The following ABR variants were observed in gnomAD, a reference collection of about 807,000 sequenced individuals.
ABR encodes the protein active breakpoint cluster region-related protein.
Under a neutral mutation model 107.2 loss-of-function variants are expected in ABR, and 35 were observed. That is an observed-to-expected ratio of 0.33 (90% CI 0.25 to 0.43). The LOEUF is 0.43. Among genes scored for constraint, ABR ranks in the 20% least tolerant of loss-of-function variants. The pLI is 1.00. For missense variants in ABR, 815 were observed against 1,115.2 expected, an observed-to-expected ratio of 0.73 and a Z score of 3.83; for synonymous variants, 498 against 462.0, an observed-to-expected ratio of 1.08 and a Z score of -1.00.
chr17:1,102,033 G>T (rs944364030), intron 2 of ABR, among the ~76,000 whole-genome samples: 1 of 151,982 alleles, frequency 6.6e-6, no homozygotes. Flanking sequence ...GCACCCTGCC[G>T]GAAAGACATT....
At chr17:1,018,635 G>A (rs2071390559) in intron 16 of ABR, among the ~76,000 whole-genome samples, 1 of 152,154 alleles carries the variant, frequency 6.6e-6, no homozygotes, top group African/African-American at 2.4e-5. Flanking sequence ...TTGGAGGCAG[G>A]CTGATCTGAG....
chr17:1,031,392 C>G (rs1402606142), intron 16 of ABR, among the ~76,000 whole-genome samples: 1 of 152,176 alleles, frequency 6.6e-6, no homozygotes, highest in African/African-American at 2.4e-5. Flanking sequence ...GATGCCCGAG[C>G]GCCAGGGTCC....
At chr17:1,203,367 C>A (rs1013713545) in intron 1 of ABR, among the ~76,000 whole-genome samples, 1 of 102,160 alleles carries the variant, frequency 9.8e-6, no homozygotes, top group African/African-American at 3.3e-5. Context: ...GGCGGTCCCC[C>A]GTGGGGGCGG....
chr17:1,169,225 G>A (rs148453103), intron 1 of ABR, among the ~76,000 whole-genome samples: 3 of 152,340 alleles, frequency 2.0e-5, no homozygotes, highest in South Asian at 2.1e-4. Context: ...AAGACCTGGT[G>A]CGTCCCCCTC....
At chr17:1,208,607 G>A (rs551093359) in intron 1 of ABR, among the ~76,000 whole-genome samples, 7 of 152,308 alleles carry the variant, frequency 4.6e-5, no homozygotes, top group African/African-American at 1.4e-4. Flanking sequence ...GGGAGCTGCC[G>A]GCCGGGCACA....
At chr17:1,170,637 T>C (rs1267814449) in intron 1 of ABR, among the ~76,000 whole-genome samples, 3 of 152,106 alleles carry the variant, frequency 2.0e-5, no homozygotes, top group Non-Finnish European at 4.4e-5. Context: ...GGTTTCATCA[T>C]GTTGGTCAGG....
intron 2 of ABR, among the ~76,000 whole-genome samples, chr17:1,122,457 T>C (rs2264057): frequency 0.98 from 148,717 of 152,336 alleles, 72,703 homozygotes; most frequent in Middle Eastern, 1. Flanking sequence ...ACACCTGAAT[T>C]AACAAAAAGG....
chr17:1,168,771 A>G (rs147236854), intron 1 of ABR, among the ~76,000 whole-genome samples: 6 of 152,338 alleles, frequency 3.9e-5, no homozygotes, highest in African/African-American at 1.2e-4. Context: ...TCCTCCGGCT[A>G]GAAGCAGCAG....
chr17:1,080,944 C>A (rs896598275), intron 5 of ABR, among the ~76,000 whole-genome samples: 4 of 152,128 alleles, frequency 2.6e-5, no homozygotes, highest in African/African-American at 7.2e-5. Context: ...GAAGCAAGCA[C>A]GTCATCGAGT....
intron 18 of ABR, chr17:1,012,197 CAGG>C (rs773822484): frequency 4.5e-5 from 34 of 758,232 alleles, no homozygotes; most frequent in South Asian, 2.2e-4. Context: ...CGGACGTGGG[CAGG>C]AGAAGCCTTG....
At chr17:1,074,713 G>A (rs765581603) in intron 6 of ABR, among the ~76,000 whole-genome samples, 8 of 152,250 alleles carry the variant, frequency 5.3e-5, no homozygotes, top group Non-Finnish European at 1.0e-4. Flanking sequence ...CCAGGAGGCT[G>A]GCCTGATCTC....
chr17:1,093,894 C>A (rs1010911995), intron 3 of ABR, among the ~76,000 whole-genome samples: 1 of 152,222 alleles, frequency 6.6e-6, no homozygotes, highest in Admixed American at 6.5e-5. Context: ...CCTTCATCCT[C>A]CGAGCTCTAA....
At chr17:1,069,430 G>A (rs145172123) in intron 9 of ABR, among the ~76,000 whole-genome samples, 1,665 of 152,238 alleles carry the variant, frequency 0.011, 34 homozygotes, top group African/African-American at 0.038. Flanking sequence ...TTGGGAGGCC[G>A]AGGCGGGCAG....
intron 6 of ABR, among the ~76,000 whole-genome samples, chr17:1,077,824 G>A (rs1478808018): frequency 2.6e-5 from 4 of 152,224 alleles, no homozygotes; most frequent in South Asian, 2.1e-4. Flanking sequence ...AAAACCAGCC[G>A]CCTGCTGCTC....
At chr17:1,166,264 G>T (rs925781015) in intron 1 of ABR, among the ~76,000 whole-genome samples, 1 of 152,100 alleles carries the variant, frequency 6.6e-6, no homozygotes, top group Non-Finnish European at 1.5e-5. Flanking sequence ...AGGGACGGGG[G>T]CAGGCTGCGG....
chr17:1,012,485 T>C (rs1427341357), intron 18 of ABR: 2 of 699,874 alleles, frequency 2.9e-6, no homozygotes, highest in South Asian at 3.0e-5. Context: ...TTCCAGCGTT[T>C]AGGTGCTGGC....
intron 3 of ABR, among the ~76,000 whole-genome samples, chr17:1,095,218 C>T (rs544043661): frequency 3.3e-5 from 5 of 152,286 alleles, no homozygotes; most frequent in African/African-American, 4.8e-5. Flanking sequence ...GCCACCCACA[C>T]GAAGACAAAA....
In ABR at chr17:1,005,920, T is replaced by C. The variant is rs1167167089; in HGVS notation, c.*160A>G. ...GCTGGGCAGCCGGCTTTGTACAAGG[T>C]GGCACAAAAGACGTACGCATTCCAG... On this transcript the variant is annotated 3_prime_UTR_variant, in exon 23 of 23. Transcript: ENST00000302538. The C allele has an allele frequency of 1.4e-6, 1 of 696,776 alleles. No individual in the cohort carries two copies. The highest frequency in any genetic ancestry group is 2.2e-5 in the Admixed American group (1 of 44,528). The allele number at this position is 696,776 out of a possible 1,614,324, so 43.2% of individuals were successfully genotyped here.
intron 21 of ABR, among the ~76,000 whole-genome samples, chr17:1,009,436 G>C (rs1178101449): frequency 6.6e-6 from 1 of 152,124 alleles, no homozygotes; most frequent in Non-Finnish European, 1.5e-5. Context: ...ACTGGTTACG[G>C]GACCCAAATA....
Sources: allele counts gnomAD v4.1 joint callset (sites outside exome capture counted in the v4.1 genomes callset), GRCh38; gene constraint gnomAD v4.1.1; transcripts MANE v1.5; gene names NCBI Gene and HGNC (gene_info 2026-07-23, HGNC 2026-07-21).